KNL1: variants seen among roughly 807,000 people sequenced by gnomAD.
KNL1 encodes the protein outer kinetochore KNL1 complex subunit KNL1.
A neutral mutation model predicts 201.3 loss-of-function variants in KNL1; 66 were observed. The ratio of observed to expected loss-of-function variants is 0.33; its 90% CI spans 0.27 to 0.40. The LOEUF (loss-of-function observed/expected upper bound fraction) is 0.40. Among genes scored for constraint, KNL1 ranks in the 10% least tolerant of loss-of-function variants. The pLI, the probability that KNL1 is intolerant of heterozygous loss-of-function variation, is 1.00. For synonymous variants in KNL1, 895 were observed against 899.2 expected (o/e 1.00, Z 0.08); for missense variants, 2,815 against 2,690.5 (o/e 1.05, Z -1.02).
chr15:40,639,585 C>CA lies in KNL1; in HGVS notation c.5683-1314dup, dbSNP rs139167651. Among the ~76,000 whole-genome samples, 248 of 128,244 alleles carry CA rather than the reference C, an allele frequency of 1.9e-3. 3 individuals carry two copies. The East Asian group carries it at 0.029, about 15-fold the overall frequency. The allele number at this position is 128,244 out of a possible 152,430, so 84.1% of individuals were successfully genotyped here. A position where few individuals can be genotyped will look rare whatever the true frequency, so the allele number is the denominator to read the frequency against. Reference sequence around the variant, plus strand: ...GGGCAACAAGAGCAAAACTTCATCTCAAAAAAAAAAAAAGGAAAAAAAAAA... The same window carrying CA: ...GGGCAACAAGAGCAAAACTTCATCTCAAAAAAAAAAAAAAGGAAAAAAAAAA... On this transcript the variant is annotated intron_variant, in intron 13 of 25. Transcript: ENST00000399668.
Position 40,624,906 on chromosome 15 carries a change from A to G in KNL1, c.4642A>G (p.Thr1548Ala). 1.2e-6 allele frequency: 2 copies of G among 1,612,990 alleles called. No homozygotes were observed. The highest frequency in any genetic ancestry group is 1.7e-6 in the Non-Finnish European group (2 of 1,179,772). ...TGGAGAAGCACCAGATCCTGTAATT[A>G]CATCTAATGTTCCATGTTTTCATAG... ...NAGEAPDPVITSNVPCFHSIK... is the reference protein window; with the variant it reads ...NAGEAPDPVIASNVPCFHSIK... The change falls in exon 10 of 26, where the codon ACA (threonine) becomes GCA (alanine). Residue 1548 changes from threonine to alanine, a missense_variant. This residue lies in a region of KNL1 where 2,464 missense variants were observed against 2,291.7 expected (regional missense o/e 1.08). Transcript: ENST00000399668.
intron 13 of KNL1, among the ~76,000 whole-genome samples, chr15:40,640,627 T>G (rs1220504045): frequency 6.6e-6 from 1 of 152,166 alleles, no homozygotes; most frequent in Non-Finnish European, 1.5e-5. Flanking sequence ...AGTTGAATTT[T>G]TAGGTAATAT....
At chr15:40,620,216 A>ATTT (rs11458507) in intron 9 of KNL1, among the ~76,000 whole-genome samples, 2 of 148,500 alleles carry the variant, frequency 1.3e-5, no homozygotes, top group African/African-American at 2.5e-5. Flanking sequence ...GCCTAGAATA[A>ATTT]TTTTTTTTTT....
At chr15:40,629,115 A>T (rs1432804514) in intron 12 of KNL1, among the ~76,000 whole-genome samples, 158 bp from the exon 13 acceptor site, 1 of 152,234 alleles carries the variant, frequency 6.6e-6, no homozygotes, top group Non-Finnish European at 1.5e-5. Flanking sequence ...TTAAGAAATG[A>T]TCTTAGATAA....
Position 40,621,100 on chromosome 15 carries a change from A to T in KNL1, c.836A>T (p.Asp279Val), listed in dbSNP as rs1399557950. The T allele has an allele frequency of 6.2e-7, 1 of 1,613,736 alleles. No individual in the cohort carries two copies. The highest frequency in any genetic ancestry group is 1.7e-5 in the Admixed American group (1 of 59,910). ...NITRLFREKD[D>V]GMNFTQCHTA... Reference sequence around the variant, plus strand: ...ACTAGGCTCTTTAGAGAAAAAGATGATGGGATGAATTTCACCCAGTGTCAT... The same window carrying T: ...ACTAGGCTCTTTAGAGAAAAAGATGTTGGGATGAATTTCACCCAGTGTCAT... The change falls in exon 10 of 26, where the codon GAT (aspartate) becomes GTT (valine). Residue 279 changes from aspartate to valine, a missense_variant. Asp to Val is a radical substitution (Grantham distance 152). Transcript: ENST00000399668.
At chr15:40,661,825 A>T (rs1437089869) in intron 25 of KNL1, among the ~76,000 whole-genome samples, 1 of 151,942 alleles carries the variant, frequency 6.6e-6, no homozygotes, top group East Asian at 1.9e-4. Context: ...GGTGGATCAC[A>T]AGGCCAGGAG....
intron 10 of KNL1, 118 bp from the exon 11 acceptor site, chr15:40,627,952 G>GAT (rs1892800668): frequency 1.5e-6 from 1 of 682,918 alleles, no homozygotes; most frequent in Non-Finnish European, 2.3e-6. Context: ...TCTTCACTAA[G>GAT]ATATTTCATA....
chr15:40,612,740 G>A (rs965553197), intron 7 of KNL1, among the ~76,000 whole-genome samples: 1 of 151,892 alleles, frequency 6.6e-6, no homozygotes, highest in Admixed American at 6.6e-5. Context: ...AATTGTCTTG[G>A]TCTCTTGACC....
intron 17 of KNL1, among the ~76,000 whole-genome samples, chr15:40,648,828 T>A (rs1465159406): frequency 1.6e-5 from 2 of 123,702 alleles, no homozygotes; most frequent in African/African-American, 5.9e-5. Flanking sequence ...AACTTAACTT[T>A]CTTTTTTTTT....
chr15:40,606,396 T>G lies in KNL1; in HGVS notation c.79T>G (p.Leu27Val). The G allele has an allele frequency of 1.9e-6, 3 of 1,566,190 alleles. No homozygotes were observed. The highest frequency in any genetic ancestry group is 2.6e-6 in the Non-Finnish European group (3 of 1,137,448). ...ATAATTCTAATTGTTACCCTAGATA[T>G]TGAAACCCCCAAGGAGTCCTCTTCA... ...RPVRRRHSSI[L>V]KPPRSPLQDL... Residue 27 changes from leucine to valine, a missense_variant, in exon 4 of 26, where the codon TTG becomes GTG. Leu to Val is a conservative substitution (Grantham distance 32, BLOSUM62 1). Transcript: ENST00000399668.
Position 40,625,923 on chromosome 15 carries a change from C to T in KNL1, c.5376+283C>T, listed in dbSNP as rs555702272. On this transcript the variant is annotated intron_variant, in intron 10 of 25. Transcript: ENST00000399668. ...TAAAATTGTATAATTTCAAAAATTTCAAAAGGTATGTATACTGTCACCTCT... is the reference window on the plus strand; with the variant it reads ...TAAAATTGTATAATTTCAAAAATTTTAAAAGGTATGTATACTGTCACCTCT... 8.8e-4 allele frequency: 306 copies of T among 348,472 alleles called. 3 individuals carry two copies. The highest frequency in any genetic ancestry group is 5.5e-3 in the Middle Eastern group (6 of 1,092). The allele number at this position is 348,472 out of a possible 1,614,324, so 21.6% of individuals were successfully genotyped here.
chr15:40,624,681 AAG>A lies in KNL1; in HGVS notation c.4420_4421del (p.Ser1474PhefsTer13). On this transcript the variant is annotated frameshift_variant, in exon 10 of 26. Transcript: ENST00000399668. LOFTEE classifies it high-confidence loss of function. Reference sequence around the variant, plus strand: ...AGTAATACTGTCTAAAGCTGGAAATAAGAGTTTAAATATTATAGAAAATTCCT... The same window carrying A: ...AGTAATACTGTCTAAAGCTGGAAATAAGTTTAAATATTATAGAAAATTCCT... The part of the protein sequence containing the change: ...EEVILSKAGN[K>X]SLNIIENSSA... 1 of 1,612,672 alleles carries A rather than the reference AAG, an allele frequency of 6.2e-7. No homozygotes were observed. The highest frequency in any genetic ancestry group is 8.5e-7 in the Non-Finnish European group (1 of 1,179,382).
At chr15:40,605,683 C>G (rs1298998060) in intron 3 of KNL1, among the ~76,000 whole-genome samples, 1 of 152,164 alleles carries the variant, frequency 6.6e-6, no homozygotes, top group African/African-American at 2.4e-5. Flanking sequence ...CTCCTGGCCT[C>G]AAGTGATCCT....
rs1197066792 is a variant in KNL1, at chr15:40,623,012, C to T, written c.2748C>T (p.Ile916=). The change falls in exon 10 of 26, where the codon ATC becomes ATT. Residue 916 remains isoleucine, a synonymous_variant. Transcript: ENST00000399668. Reference sequence around the variant, plus strand: ...CATGTAGGCAGGATGACATGGAGATCACTAGAAGTCACACAACTGCCTTAG... The same window carrying T: ...CATGTAGGCAGGATGACATGGAGATTACTAGAAGTCACACAACTGCCTTAG... The part of the protein sequence containing the change: ...LYTCRQDDME[I]TRSHTTALEC... The T allele has an allele frequency of 1.2e-6, 2 of 1,613,844 alleles. No homozygotes were observed. Among genetic ancestry groups the T allele is most frequent in the African/African-American group, 1.3e-5 (1 of 75,022 alleles).
intron 1 of KNL1, among the ~76,000 whole-genome samples, chr15:40,602,445 CG>C (rs1365665418): frequency 1.4e-5 from 2 of 141,344 alleles, no homozygotes; most frequent in African/African-American, 5.3e-5. Flanking sequence ...CAAAATGCAT[CG>C]TTTTATATCT....
intron 17 of KNL1, among the ~76,000 whole-genome samples, chr15:40,648,354 C>T (rs1027556564): frequency 3.9e-5 from 6 of 152,144 alleles, no homozygotes; most frequent in African/African-American, 1.4e-4. Flanking sequence ...ATCTCTTGAG[C>T]CCAGGAGGTC....
chr15:40,631,671 G>T (rs1330256246), intron 13 of KNL1, among the ~76,000 whole-genome samples: 1 of 151,960 alleles, frequency 6.6e-6, no homozygotes, highest in African/African-American at 2.4e-5. Context: ...ATTAATATAG[G>T]TAAAAAGTAG....
chr15:40,628,463 A>G lies in KNL1; in HGVS notation c.5516-148A>G, dbSNP rs566927798. The G allele has an allele frequency of 1.7e-5, 11 of 650,254 alleles. No homozygotes were observed. In the East Asian group the frequency reaches 2.8e-4, roughly 16 times the overall value. The allele number at this position is 650,254 out of a possible 1,614,324, so 40.3% of individuals were successfully genotyped here. A position where few individuals can be genotyped will look rare whatever the true frequency, so the allele number is the denominator to read the frequency against. On this transcript the variant is annotated intron_variant, in intron 11 of 25. Coordinates refer to ENST00000399668, the MANE Select transcript of KNL1 (RefSeq NM_144508.5). ...GGAGAAACACTGGAGCCTTAAAACT[A>G]TAATATACTTTGCCCTGCTACATGA...
Position 40,605,117 on chromosome 15 carries a change from A to G in KNL1, c.43A>G (p.Ile15Val), listed in dbSNP as rs774888245. The change falls in exon 3 of 26, where the codon ATA becomes GTA. Residue 15 changes from isoleucine (I) to valine (V), a missense_variant. Coordinates refer to ENST00000399668, the MANE Select transcript of KNL1 (RefSeq NM_144508.5). ...TTTGTTTTCCTTTTTCAGTGACAAT[A>G]TAGAGAGACCTGTTAGAAGACGGCA... ...SSEANEENDN[I>V]ERPVRRRHSS... 7.4e-6 allele frequency: 11 copies of G among 1,477,846 alleles called. No homozygotes were observed. Among genetic ancestry groups the G allele is most frequent in the Admixed American group, 6.8e-5 (4 of 58,748 alleles). 91.5% of individuals were successfully genotyped at this position (1,477,846 alleles called of 1,614,324 possible).
Sources: allele counts gnomAD v4.1 joint callset (sites outside exome capture counted in the v4.1 genomes callset), GRCh38; gene constraint gnomAD v4.1.1; regional missense constraint gnomAD v4.1.1; transcripts MANE v1.5; gene names NCBI Gene and HGNC (gene_info 2026-07-23, HGNC 2026-07-21).